Variants in ARRDC5 observed in about 807,000 individuals in gnomAD.
ARRDC5 encodes the protein arrestin domain-containing protein 5.
ARRDC5 carries 12 observed loss-of-function variants against 13.3 expected under a neutral mutation model. The ratio of observed to expected loss-of-function variants is 0.90; its 90% confidence interval spans 0.58 to 1.46. The LOEUF is 1.46. Ranked by LOEUF, ARRDC5 falls within the 40% of genes most tolerant of loss-of-function variation. The pLI is 0.00. For missense variants in ARRDC5, 406 were observed against 418.7 expected, an observed-to-expected ratio of 0.97 and a Z score of 0.26; for synonymous variants, 181 against 173.4, an observed-to-expected ratio of 1.04 and a Z score of -0.34.
In ARRDC5 at chr19:4,902,613, C is replaced by G; in HGVS notation, c.213G>C (p.Lys71Asn). Residue 71 changes from lysine (K) to asparagine (N), a missense_variant, in exon 1 of 3, where the codon AAG becomes AAC. Lys to Asn is a moderately conservative substitution (Grantham distance 94). Transcript: ENST00000650722. ...TCTTTGTCTTATGCACGTAGTCTGC[C>G]TTGTTGTTGCAAATAACATTTCTGC... ...DYSRNVICNN[K>N]ADYVHKTKTF... The G allele has an allele frequency of 6.2e-7, 1 of 1,613,988 alleles. No individual in the cohort carries two copies. Among genetic ancestry groups the G allele is most frequent in the Non-Finnish European group, 8.5e-7 (1 of 1,179,894 alleles).
At chr19:4,893,182 A>G (rs148052079) in intron 2 of ARRDC5, among the ~76,000 whole-genome samples, 3,741 of 141,628 alleles carry the variant, frequency 0.026, 163 homozygotes, top group African/African-American at 0.087. Context: ...TATATAATAT[A>G]TTATAATAAT....
chr19:4,915,442 A>G, the ARRDC5 span, among the ~76,000 whole-genome samples: 1 of 152,214 alleles, frequency 6.6e-6, no homozygotes, highest in Admixed American at 6.5e-5. Context: ...GGCGGGGCCC[A>G]GTGGCTCATG....
At chr19:4,893,309 C>T (rs1007536293) in intron 2 of ARRDC5, among the ~76,000 whole-genome samples, 8 of 145,040 alleles carry the variant, frequency 5.5e-5, no homozygotes, top group African/African-American at 2.0e-4. Context: ...AATTTGAGAC[C>T]AGCCTGGCCA....
the ARRDC5 span, chr19:4,910,672 T>G: frequency 2.3e-6 from 1 of 442,548 alleles, no homozygotes; most frequent in Non-Finnish European, 4.0e-6. Context: ...TCTTCAACAC[T>G]TGGCTAGTCG....
chr19:4,902,461 C>T (rs184322718), intron 1 of ARRDC5, 112 bp downstream of exon 1: 4 of 1,033,656 alleles, frequency 3.9e-6, no homozygotes, highest in Non-Finnish European at 4.3e-6. Flanking sequence ...GAAATCAGGC[C>T]ACTCCCTATT....
upstream of ARRDC5, among the ~76,000 whole-genome samples, chr19:4,904,096 C>T (rs1210175487): frequency 6.6e-6 from 1 of 152,172 alleles, no homozygotes; most frequent in African/African-American, 2.4e-5. Flanking sequence ...CCTGCCTCAG[C>T]CTCCCAAGTA....
rs1281035619 is a variant in ARRDC5, at chr19:4,890,894, G to A, written c.*152C>T. 5 of 635,762 alleles carry A rather than the reference G, an allele frequency of 7.9e-6. No homozygotes were observed. In the Admixed American group the frequency reaches 9.0e-5, roughly 11 times the overall value. The allele number at this position is 635,762 out of a possible 1,614,324, so 39.4% of individuals were successfully genotyped here. A position where few individuals can be genotyped will look rare whatever the true frequency, so the allele number is the denominator to read the frequency against. On this transcript the variant is annotated 3_prime_UTR_variant, in exon 3 of 3. Coordinates refer to ENST00000650722, the MANE Select transcript of ARRDC5 (RefSeq NM_001080523.3). ...GCATTCAGTGATAGTTCTAGGGAGGGGAGACACAGATACCTAAACCGCTAG... is the reference window on the plus strand; with the variant it reads ...GCATTCAGTGATAGTTCTAGGGAGGAGAGACACAGATACCTAAACCGCTAG...
chr19:4,911,146 C>T, the ARRDC5 span: 1 of 1,097,140 alleles, frequency 9.1e-7, no homozygotes, highest in Non-Finnish European at 1.3e-6. Flanking sequence ...ACAACCTCGT[C>T]CGGTCCCACT....
rs112238067 is a variant in ARRDC5 at position 4,896,982 on chromosome 19, G to C, written c.254-106C>G. ...TTATATTTATTTATTTTTGAGACACGGTCTCACTCTGTCACCCAGTCTGGA... is the reference window on the plus strand; with the variant it reads ...TTATATTTATTTATTTTTGAGACACCGTCTCACTCTGTCACCCAGTCTGGA... On this transcript the variant is annotated intron_variant, in intron 1 of 2. Transcript: ENST00000650722. 3.5e-3 allele frequency: 2,679 copies of C among 766,166 alleles called. 57 individuals are homozygous for C. The African/African-American group carries it at 0.044, about 12-fold the overall frequency. 47.5% of individuals were successfully genotyped at this position (766,166 alleles called of 1,614,324 possible).
chr19:4,893,085 G>T (rs1468365158), intron 2 of ARRDC5, among the ~76,000 whole-genome samples: 1 of 144,368 alleles, frequency 6.9e-6, no homozygotes, highest in Non-Finnish European at 1.5e-5. Flanking sequence ...TCTGGCGAAA[G>T]AGCAAGACTC....
intron 1 of ARRDC5, 99 bp downstream of exon 1, chr19:4,902,474 T>C (rs2031954640): frequency 8.3e-7 from 1 of 1,208,166 alleles, no homozygotes; most frequent in Non-Finnish European, 1.2e-6. Flanking sequence ...TCCCTATTTC[T>C]GATAGCCCTA....
At chr19:4,907,191 C>T (rs1467212807), upstream of ARRDC5, among the ~76,000 whole-genome samples, 1 of 152,200 alleles carries the variant, frequency 6.6e-6, no homozygotes, top group Non-Finnish European at 1.5e-5. Flanking sequence ...CTCACTGCAA[C>T]CTCCGTCTCC....
At position 4,902,701 on chromosome 19, in the gene ARRDC5, A is replaced by G. The variant is rs1201542726; in HGVS notation, c.125T>C (p.Val42Ala). Residue 42 changes from valine to alanine, a missense_variant, in exon 1 of 3, where the codon GTG becomes GCG. Physicochemically the swap from Val to Ala is moderately conservative, Grantham distance 64. Coordinates refer to ENST00000650722, the MANE Select transcript of ARRDC5 (RefSeq NM_001080523.3). ...GACGTAACCCCTTCCCACGAGCTCC[A>G]CCTTCACTATGGGGTCCACCAGGGT... ...NSTLVDPIVK[V>A]ELVGRGYVEW... is the part of the protein sequence containing the mutation. 6.2e-7 allele frequency: 1 copy of G among 1,613,882 alleles called. No homozygotes were observed. The highest frequency in any genetic ancestry group is 1.1e-5 in the South Asian group (1 of 91,086).
chr19:4,910,340 G>GGGGGAGGCCGGCAAGGA, the ARRDC5 span: 1 of 142,344 alleles, frequency 7.0e-6, no homozygotes, highest in Non-Finnish European at 1.6e-5. Flanking sequence ...GCACGCGCGC[G>GGGGGAGGCCGGCAAGGA]GGGGGGGCCG....
upstream of ARRDC5, among the ~76,000 whole-genome samples, chr19:4,905,461 A>AT (rs564794778): frequency 4.4e-4 from 64 of 145,584 alleles, no homozygotes; most frequent in Non-Finnish European, 5.8e-4. Flanking sequence ...TTTTTTTGCA[A>AT]TTTTTTTTTT....
upstream of ARRDC5, among the ~76,000 whole-genome samples, chr19:4,904,454 C>G (rs1366625822): frequency 1.3e-5 from 2 of 152,188 alleles, no homozygotes; most frequent in Non-Finnish European, 2.9e-5. Context: ...GCTGGGATTA[C>G]AGGCGTGAGC....
Position 4,891,305 on chromosome 19 carries a change from G to A in ARRDC5, c.728C>T (p.Thr243Ile), listed in dbSNP as rs1244929534. The A allele has an allele frequency of 5.6e-6, 9 of 1,613,962 alleles. No homozygotes were observed. The highest frequency in any genetic ancestry group is 6.8e-6 in the Non-Finnish European group (8 of 1,179,904). ...GGTGGTGTTGAAGCGGGTCACGGGG[G>A]TGTTGGCCTCCTGCCTCAGAAGCTC... Reference protein sequence around the residue: ...SSELLRQEANTPVTRFNTTKV... With the variant: ...SSELLRQEANIPVTRFNTTKV... The change falls in exon 3 of 3, where the codon ACC becomes ATC. Residue 243 changes from threonine (T) to isoleucine (I), a missense_variant. Transcript: ENST00000650722.
Position 4,891,167 on chromosome 19 carries a change from C to G in ARRDC5, c.866G>C (p.Trp289Ser), listed in dbSNP as rs747577618. Residue 289 changes from tryptophan to serine, a missense_variant, in exon 3 of 3, where the codon TGG becomes TCG. Physicochemically the swap from Trp to Ser is radical, Grantham distance 177. Transcript: ENST00000650722. ...TTTGGCCTTGAGGCTGGTCAGGGAC[C>G]AGGGCAGGTGCACGGTGGTGACCAG... The part of the protein sequence containing the change: ...YELVTTVHLP[W>S]SLTSLKAKVP... The G allele has an allele frequency of 1.9e-6, 3 of 1,613,946 alleles. No homozygotes were observed. In the Admixed American group the frequency reaches 5.0e-5, roughly 27 times the overall value.
chr19:4,894,835 C>G (rs2031657354), intron 2 of ARRDC5, among the ~76,000 whole-genome samples: 4 of 152,078 alleles, frequency 2.6e-5, no homozygotes, highest in Admixed American at 2.0e-4. Context: ...CCCTTGACCC[C>G]CTCTGACCTC....
Sources: allele counts gnomAD v4.1 joint callset (sites outside exome capture counted in the v4.1 genomes callset), GRCh38; gene constraint gnomAD v4.1.1; transcripts MANE v1.5; gene names NCBI Gene and HGNC (gene_info 2026-07-23, HGNC 2026-07-21).